The following ZNF516 variants were observed in gnomAD, a reference collection of about 807,000 sequenced individuals.
The protein encoded by ZNF516 is zinc finger protein 516.
Under a neutral mutation model 79.7 loss-of-function variants are expected in ZNF516, and 19 were observed. The observed-to-expected ratio is 0.24, with a 90% CI of 0.17 to 0.35. The LOEUF (loss-of-function observed/expected upper bound fraction) is 0.35, where lower values mean the gene tolerates loss of function less well. Ranked by LOEUF, ZNF516 falls within the 10% of genes least tolerant of loss-of-function variation. The pLI is 1.00. For missense variants in ZNF516, 1,678 were observed against 1,679.5 expected, an observed-to-expected ratio of 1.00 and a Z score of 0.02; for synonymous variants, 877 against 739.5, an observed-to-expected ratio of 1.19 and a Z score of -3.02.
chr18:76,420,874 T>C (rs528761353), intron 3 of ZNF516, among the ~76,000 whole-genome samples: 1 of 152,346 alleles, frequency 6.6e-6, no homozygotes, highest in African/African-American at 2.4e-5. Flanking sequence ...ACAATATCAA[T>C]AAGTGTAACT....
intron 3 of ZNF516, chr18:76,386,160 T>G (rs1405502166): frequency 6.6e-6 from 1 of 152,210 alleles, no homozygotes; most frequent in Non-Finnish European, 1.5e-5. Context: ...CCACCTGGCC[T>G]CTCTGGGTTT....
intron 1 of ZNF516, among the ~76,000 whole-genome samples, chr18:76,481,006 GA>G (rs1370396738): frequency 6.6e-6 from 1 of 152,174 alleles, no homozygotes; most frequent in African/African-American, 2.4e-5. Context: ...GTCCTTTAGG[GA>G]AAACGTTTGC....
At position 76,372,283 on chromosome 18, in the gene ZNF516, T is replaced by C. The variant is rs150791847; in HGVS notation, c.3260-712A>G. On this transcript the variant is annotated intron_variant, in intron 4 of 6. Transcript: ENST00000443185. The stretch of plus-strand genomic sequence containing the variant: ...ATCCAAAAAGCCACACGACTTTGAT[T>C]AGAAAGGGATGCAGAGAGCGTTTAT... Among the ~76,000 whole-genome samples, 22 of 152,360 alleles carry C rather than the reference T, an allele frequency of 1.4e-4. No homozygotes were observed. In the East Asian group the frequency reaches 4.0e-3, roughly 28 times the overall value.
At chr18:76,408,170 G>A (rs1175865897) in intron 3 of ZNF516, among the ~76,000 whole-genome samples, 1 of 152,208 alleles carries the variant, frequency 6.6e-6, no homozygotes. Flanking sequence ...GAGCCTTGGA[G>A]GGACAGAACT....
intron 3 of ZNF516, among the ~76,000 whole-genome samples, chr18:76,439,959 A>T (rs968150885): frequency 1.3e-5 from 2 of 152,214 alleles, no homozygotes; most frequent in African/African-American, 2.4e-5. Flanking sequence ...TATTCAAAAA[A>T]TCCAAAAGTG....
chr18:76,401,263 T>G (rs1372381739), intron 3 of ZNF516, among the ~76,000 whole-genome samples: 4 of 151,646 alleles, frequency 2.6e-5, no homozygotes, highest in African/African-American at 4.8e-5. Context: ...TTTTTTTTTT[T>G]TTTGTGAACC....
chr18:76,366,723 C>G (rs894558344), intron 6 of ZNF516, among the ~76,000 whole-genome samples: 12 of 152,320 alleles, frequency 7.9e-5, no homozygotes, highest in African/African-American at 2.9e-4. Flanking sequence ...AGGAAAATTG[C>G]TTATTTTTAG....
Position 76,441,941 on chromosome 18 carries a change from C to T in ZNF516, c.1114G>A (p.Gly372Arg), listed in dbSNP as rs754152296. ...TTGGTGTCCGAGGGCCCCTCCGCCC[C>T]CTCCTCGGCCGGGGCGCGCGTGCGG... is the stretch of plus-strand genomic sequence containing the variant. ...ASRTRAPAEE[G>R]AEGPSDTKQF... Residue 372 changes from glycine (G) to arginine (R), a missense_variant, in exon 3 of 7, where the codon GGG becomes AGG. Gly to Arg is a moderately radical substitution (Grantham distance 125, BLOSUM62 -2). This residue lies in a region of ZNF516 where 1,294 missense variants were observed against 1,248.3 expected (regional missense o/e 1.04). Transcript: ENST00000443185. 6.2e-7 allele frequency: 1 copy of T among 1,610,398 alleles called. No homozygotes were observed. Among genetic ancestry groups the T allele is most frequent in the Non-Finnish European group, 8.5e-7 (1 of 1,179,208 alleles).
chr18:76,405,812 T>TC (rs2075297130), intron 3 of ZNF516, among the ~76,000 whole-genome samples: 1 of 151,952 alleles, frequency 6.6e-6, no homozygotes, highest in East Asian at 2.0e-4. Flanking sequence ...CGGCTGCCCC[T>TC]CCCCATACTT....
intron 3 of ZNF516, among the ~76,000 whole-genome samples, chr18:76,400,281 G>A (rs1046129197): frequency 8.5e-5 from 13 of 152,164 alleles, no homozygotes; most frequent in South Asian, 6.2e-4. Context: ...CGGTGTTCAC[G>A]ACACAATTTT....
intron 3 of ZNF516, among the ~76,000 whole-genome samples, chr18:76,399,377 AAATT>A (rs2075187955): frequency 6.6e-6 from 1 of 152,236 alleles, no homozygotes; most frequent in African/African-American, 2.4e-5. Context: ...AGAGGGCTTT[AAATT>A]AATAATATAT....
At chr18:76,383,957 G>A (rs1166642915) in intron 3 of ZNF516, among the ~76,000 whole-genome samples, 1 of 152,204 alleles carries the variant, frequency 6.6e-6, no homozygotes, top group Non-Finnish European at 1.5e-5. Flanking sequence ...GCTGCCACAT[G>A]ACACAGCCAA....
intron 3 of ZNF516, among the ~76,000 whole-genome samples, chr18:76,390,230 C>T (rs1040802714): frequency 2.0e-5 from 3 of 152,146 alleles, no homozygotes; most frequent in East Asian, 3.8e-4. Context: ...TCCCAAATAT[C>T]CCACCCCAGG....
At chr18:76,453,954 C>T (rs2145627018) in intron 2 of ZNF516, among the ~76,000 whole-genome samples, 1 of 152,332 alleles carries the variant, frequency 6.6e-6, no homozygotes, top group Admixed American at 6.5e-5. Flanking sequence ...TTTCCAACCA[C>T]TTGATTAAAA....
intron 3 of ZNF516, among the ~76,000 whole-genome samples, chr18:76,399,461 T>A (rs1054507940): frequency 6.6e-6 from 1 of 152,234 alleles, no homozygotes; most frequent in Non-Finnish European, 1.5e-5. Context: ...ATTATATATA[T>A]AGTCAGCATA....
intron 1 of ZNF516, among the ~76,000 whole-genome samples, chr18:76,465,933 G>C (rs888670878): frequency 4.6e-5 from 7 of 152,176 alleles, no homozygotes; most frequent in Non-Finnish European, 8.8e-5. Flanking sequence ...GGACAGCAAA[G>C]GCGAAATCCC....
At chr18:76,469,585 A>G (rs1156791411) in intron 1 of ZNF516, among the ~76,000 whole-genome samples, 1 of 152,184 alleles carries the variant, frequency 6.6e-6, no homozygotes, top group Admixed American at 6.5e-5. Flanking sequence ...TTTAGATTAA[A>G]GAAAGTATGG....
rs1016680338 is a variant in ZNF516, at chr18:76,359,658, G to A, written c.*2840C>T. ...GCGGAAAGCAGGGGAGAGACACCGAGAAGCTGCAGTGTAGACAACCAAACC... is the reference window on the plus strand; with the variant it reads ...GCGGAAAGCAGGGGAGAGACACCGAAAAGCTGCAGTGTAGACAACCAAACC... On this transcript the variant is annotated 3_prime_UTR_variant, in exon 7 of 7. Transcript: ENST00000443185. 1 of 152,184 alleles carries A rather than the reference G, an allele frequency of 6.6e-6. No homozygotes were observed. Among genetic ancestry groups the A allele is most frequent in the African/African-American group, 2.4e-5 (1 of 41,416 alleles). The allele number at this position is 152,184 out of a possible 1,614,324, so 9.4% of individuals were successfully genotyped here. A position where few individuals can be genotyped will look rare whatever the true frequency, so the allele number is the denominator to read the frequency against.
intron 2 of ZNF516, 38 bp from the exon 3 acceptor site, chr18:76,443,249 G>A: frequency 2.5e-6 from 2 of 794,878 alleles, no homozygotes; most frequent in South Asian, 2.1e-5. Context: ...AAAGCTCCTG[G>A]CTAAGAGGGC....
Sources: gnomAD v4.1 joint callset for allele counts (sites outside exome capture counted in the v4.1 genomes callset) on GRCh38, gnomAD v4.1.1 for gene constraint, gnomAD v4.1.1 regional missense constraint, MANE v1.5 for transcripts, NCBI Gene and HGNC (gene_info 2026-07-23, HGNC 2026-07-21) for gene names.